Variants in CEP192 observed in about 807,000 individuals in gnomAD.
The protein encoded by CEP192 is centrosomal protein 192, also known as centrosomal protein of 192 kDa.
Under a neutral mutation model 271.8 loss-of-function variants are expected in CEP192, and 151 were observed. That is an observed-to-expected ratio of 0.56 (90% CI 0.49 to 0.64). The LOEUF (loss-of-function observed/expected upper bound fraction) is 0.64, where lower values mean the gene tolerates loss of function less well. Among genes scored for constraint, CEP192 ranks in the 30% least tolerant of loss-of-function variants. The probability of loss-of-function intolerance (pLI) is 0.00; values close to 1 mark genes in which losing one functional copy is unlikely to be tolerated. For synonymous variants in CEP192, 995 were observed against 1,076.5 expected (o/e 0.92, Z 1.48); for missense variants, 2,910 against 3,020.5 (o/e 0.96, Z 0.86).
At chr18:13,028,343 C>T (rs1466553972) in intron 9 of CEP192, among the ~76,000 whole-genome samples, 1 of 152,138 alleles carries the variant, frequency 6.6e-6, no homozygotes, top group Non-Finnish European at 1.5e-5. Context: ...TTATAGTTAC[C>T]AGGCTTAGGA....
intron 11 of CEP192, among the ~76,000 whole-genome samples, chr18:13,033,477 G>C (rs1327109490): frequency 6.6e-6 from 1 of 152,102 alleles, no homozygotes; most frequent in Non-Finnish European, 1.5e-5. Context: ...GTCCATTCTT[G>C]GCACCGCGTC....
chr18:13,002,644 C>CT (rs1326885740), intron 3 of CEP192, among the ~76,000 whole-genome samples: 3 of 152,054 alleles, frequency 2.0e-5, no homozygotes, highest in Non-Finnish European at 4.4e-5. Context: ...CCCTGCCCAG[C>CT]ATTTGATGGT....
At chr18:13,030,738 T>G in intron 11 of CEP192, 130 bp downstream of exon 11, 1 of 698,604 alleles carries the variant, frequency 1.4e-6, no homozygotes, top group African/African-American at 1.8e-5. Context: ...AGCACTTCAC[T>G]TGTTTTTATA....
rs781183444 is a variant in CEP192 at position 13,049,838 on chromosome 18, G to A, written c.2964G>A (p.Thr988=). The part of the protein sequence containing the change: ...EDEQESFRPS[T]SPLSHSSPSE... ...AGCAGGAGAGCTTCAGACCTTCCAC[G>A]TCACCACTGAGTCATTCTTCTCCTA... Residue 988 remains threonine (T), a synonymous_variant, in exon 17 of 45, where the codon ACG becomes ACA. Coordinates refer to ENST00000506447, the MANE Select transcript of CEP192 (RefSeq NM_032142.4). 6.0e-5 allele frequency: 97 copies of A among 1,613,804 alleles called. No individual in the cohort carries two copies. Among genetic ancestry groups the A allele is most frequent in the Non-Finnish European group, 7.9e-5 (93 of 1,179,852 alleles).
At chr18:13,081,565 G>A (rs973818920) in intron 30 of CEP192, among the ~76,000 whole-genome samples, 2 of 151,966 alleles carry the variant, frequency 1.3e-5, no homozygotes, top group African/African-American at 4.8e-5. Context: ...TATCAATTTT[G>A]TTGATCTTTT....
At chr18:13,070,530 A>G (rs964499372) in intron 27 of CEP192, among the ~76,000 whole-genome samples, 2 of 152,232 alleles carry the variant, frequency 1.3e-5, no homozygotes, top group East Asian at 3.8e-4. Flanking sequence ...CACCCAAATC[A>G]TAAGTGAATA....
intron 27 of CEP192, among the ~76,000 whole-genome samples, chr18:13,070,573 T>TA (rs770578712): frequency 3.3e-5 from 5 of 152,204 alleles, no homozygotes; most frequent in Admixed American, 6.5e-5. Flanking sequence ...CTGTCGTGAG[T>TA]ACTGAGCTTG....
intron 38 of CEP192, among the ~76,000 whole-genome samples, chr18:13,102,231 G>T (rs926717575): frequency 1.3e-5 from 2 of 151,736 alleles, no homozygotes; most frequent in Admixed American, 1.3e-4. Context: ...TGCCTTACAC[G>T]TGAAAAATAG....
At chr18:13,013,065 A>G (rs766482838) in intron 5 of CEP192, 40 bp downstream of exon 5, 16 of 992,494 alleles carry the variant, frequency 1.6e-5, no homozygotes, top group Non-Finnish European at 2.1e-5. Context: ...CTGGAGTACT[A>G]TAGGGCAGTA....
chr18:13,012,090 C>T (rs1350267312), intron 4 of CEP192, among the ~76,000 whole-genome samples: 1 of 152,140 alleles, frequency 6.6e-6, no homozygotes, highest in African/African-American at 2.4e-5. Flanking sequence ...ATAGGGAAAT[C>T]TATAGATACA....
At chr18:13,093,105 G>A (rs2039229561) in intron 34 of CEP192, among the ~76,000 whole-genome samples, 2 of 152,156 alleles carry the variant, frequency 1.3e-5, no homozygotes, top group African/African-American at 4.8e-5. Context: ...CTTGCAGTGA[G>A]CCAAGATGGG....
intron 3 of CEP192, among the ~76,000 whole-genome samples, chr18:13,005,108 G>A (rs957746903): frequency 6.6e-6 from 1 of 152,146 alleles, no homozygotes; most frequent in Non-Finnish European, 1.5e-5. Flanking sequence ...CTGAGGGCAA[G>A]AAGGGCGTAT....
chr18:13,124,491 C>A, intron 44 of CEP192, 141 bp from the exon 45 acceptor site: 2 of 678,572 alleles, frequency 2.9e-6, no homozygotes, highest in Non-Finnish European at 4.4e-6. Flanking sequence ...TAATAGCATC[C>A]AAGAAATCAT....
At chr18:13,082,432 C>CTTTTTT (rs57663388) in intron 30 of CEP192, among the ~76,000 whole-genome samples, 14 of 49,942 alleles carry the variant, frequency 2.8e-4, no homozygotes, top group African/African-American at 5.8e-4. Context: ...GCAACCCCTG[C>CTTTTTT]TTTTTTTTTT....
chr18:13,049,777 CCT>C lies in CEP192; in HGVS notation c.2907_2908del (p.Pro970Ter). The C allele has an allele frequency of 6.2e-7, 1 of 1,612,178 alleles. No homozygotes were observed. Among genetic ancestry groups the C allele is most frequent in the Non-Finnish European group, 8.5e-7 (1 of 1,179,368 alleles). On this transcript the variant is annotated frameshift_variant, in exon 17 of 45. Coordinates refer to ENST00000506447, the MANE Select transcript of CEP192 (RefSeq NM_032142.4). LOFTEE classifies it high-confidence loss of function. ...CCCTTTCTGATAGATTTGAAAAATA[CCT>C]CTCCTGAGCATGGTGGACGTGGCTC...
intron 1 of CEP192, among the ~76,000 whole-genome samples, chr18:12,994,579 G>A (rs2033095071): frequency 2.0e-5 from 3 of 152,140 alleles, no homozygotes; most frequent in South Asian, 4.1e-4. Context: ...AGGCTTTTCA[G>A]TAGGGTAAGG....
intron 6 of CEP192, among the ~76,000 whole-genome samples, chr18:13,016,076 G>A (rs2034629907): frequency 6.6e-6 from 1 of 152,046 alleles, no homozygotes; most frequent in South Asian, 2.1e-4. Context: ...CTCTGCTCTC[G>A]GACACCTTAG....
intron 30 of CEP192, among the ~76,000 whole-genome samples, chr18:13,077,632 C>A (rs1381420892): frequency 1.3e-5 from 2 of 152,224 alleles, no homozygotes; most frequent in African/African-American, 4.8e-5. Flanking sequence ...CCAAGCCTGA[C>A]TCTAGTGTGC....
chr18:13,074,162 A>T (rs144439461), intron 30 of CEP192, among the ~76,000 whole-genome samples: 128 of 152,254 alleles, frequency 8.4e-4, no homozygotes, highest in African/African-American at 3.0e-3. Flanking sequence ...AGTGTTAAAG[A>T]GGGGATGTGA....
Sources: gnomAD v4.1 joint callset for allele counts (sites outside exome capture counted in the v4.1 genomes callset) on GRCh38, gnomAD v4.1.1 for gene constraint, MANE v1.5 for transcripts, NCBI Gene and HGNC (gene_info 2026-07-23, HGNC 2026-07-21) for gene names.